Variants in KIF5A observed in about 807,000 individuals in gnomAD.
KIF5A encodes kinesin heavy chain isoform 5A.
In KIF5A, 35 loss-of-function variants were observed where a neutral mutation model predicts 141.3. The ratio of observed to expected loss-of-function variants is 0.25; its 90% CI spans 0.19 to 0.33. KIF5A has a LOEUF of 0.33. KIF5A is among the 10% of genes least tolerant of loss of function. The pLI is 1.00. For missense variants in KIF5A, 861 were observed against 1,314.3 expected (o/e 0.66, Z 5.33); for synonymous variants, 448 against 500.2 (o/e 0.90, Z 1.39).
Position 57,568,954 on chromosome 12 carries a change from C to T in KIF5A, c.715-9C>T. 1 of 1,600,660 alleles carries T rather than the reference C, an allele frequency of 6.2e-7. No homozygotes were observed. The highest frequency in any genetic ancestry group is 8.6e-7 in the Non-Finnish European group (1 of 1,168,312). On this transcript the variant is annotated splice_polypyrimidine_tract_variant and intron_variant, in intron 8 of 28. Transcript: ENST00000455537. ...GCTCATACACACTCATCTCTTACTG[C>T]CCTGGTAGGTCAGCAAGACTGGAGC...
intron 12 of KIF5A, 57 bp from the exon 13 acceptor site, chr12:57,571,264 G>A (rs942192779): frequency 5.6e-6 from 6 of 1,071,164 alleles, no homozygotes; most frequent in Middle Eastern, 2.0e-4. Context: ...AACTTCTTAC[G>A]TCTAAACTGG....
intron 12 of KIF5A, 106 bp from the exon 13 acceptor site, chr12:57,571,215 A>G (rs1882244439): frequency 3.9e-6 from 3 of 769,604 alleles, no homozygotes; most frequent in Non-Finnish European, 4.7e-6. Flanking sequence ...CAAAGCTTAT[A>G]CTATCTGGAT....
In KIF5A at chr12:57,572,955, C is replaced by T. The variant is rs1882303247; in HGVS notation, c.1716+229C>T. On this transcript the variant is annotated intron_variant, in intron 15 of 28. Coordinates refer to ENST00000455537, the MANE Select transcript of KIF5A (RefSeq NM_004984.4). The surrounding 1 kb of genome is among the most constrained non-coding windows in gnomAD (Gnocchi z 4.2). ...CTGTAATCCCAGCACTTTGGGAGGC[C>T]GAGGCAGGCGGATCACTTGAGGTCA... 1.3e-5 allele frequency among the ~76,000 whole-genome samples: 2 copies of T among 152,140 alleles called. No homozygotes were observed. Among genetic ancestry groups the T allele is most frequent in the Non-Finnish European group, 2.9e-5 (2 of 68,022 alleles).
intron 6 of KIF5A, among the ~76,000 whole-genome samples, chr12:57,565,274 A>G (rs147221631): frequency 1.1e-3 from 169 of 151,812 alleles, no homozygotes; most frequent in Non-Finnish European, 1.8e-3. Context: ...ACAAAAAATT[A>G]ACTGGGCGTG....
chr12:57,581,153 G>T lies in KIF5A; in HGVS notation c.2736G>T (p.Arg912=). The T allele has an allele frequency of 6.2e-7, 1 of 1,613,798 alleles. No individual in the cohort carries two copies. Among genetic ancestry groups the T allele is most frequent in the Non-Finnish European group, 8.5e-7 (1 of 1,179,936 alleles). The change falls in exon 24 of 29, where the codon CGG becomes CGT. Residue 912 remains arginine, a synonymous_variant. Transcript: ENST00000455537. Reference sequence around the variant, plus strand: ...TTCGCTACAAGAGCTCGGGCAAACGGGGCCATTCTGCCCAGATTGGTGAGT... The same window carrying T: ...TTCGCTACAAGAGCTCGGGCAAACGTGGCCATTCTGCCCAGATTGGTGAGT... ...EAVRYKSSGK[R]GHSAQIAKPV... is the part of the protein sequence containing the mutation.
chr12:57,562,731 T>C (rs1264713381), intron 1 of KIF5A, among the ~76,000 whole-genome samples: 3 of 152,224 alleles, frequency 2.0e-5, no homozygotes, highest in Non-Finnish European at 4.4e-5. Flanking sequence ...GATCTTTCCA[T>C]ATCAGGGTAC....
In KIF5A at chr12:57,572,808, A is replaced by G; in HGVS notation, c.1716+82A>G. The G allele has an allele frequency of 6.5e-7, 1 of 1,530,616 alleles. No homozygotes were observed. Among genetic ancestry groups the G allele is most frequent in the South Asian group, 1.1e-5 (1 of 89,246 alleles). The allele number at this position is 1,530,616 out of a possible 1,614,324, so 94.8% of individuals were successfully genotyped here. A position where few individuals can be genotyped will look rare whatever the true frequency, so the allele number is the denominator to read the frequency against. ...ATGAGCCATCCAGGCCTTCACAGAT[A>G]CTGAGAAAGGCAGCCAGAGAGCCAG... On this transcript the variant is annotated intron_variant, in intron 15 of 28. Transcript: ENST00000455537. This position sits in a 1 kb window ranked among gnomAD's most constrained non-coding sequence, Gnocchi z 4.2.
At chr12:57,567,723 C>T (rs571266530) in intron 8 of KIF5A, 105 bp downstream of exon 8, 49 of 1,226,692 alleles carry the variant, frequency 4.0e-5, no homozygotes, top group East Asian at 1.5e-4. Flanking sequence ...TGCAGTGGCA[C>T]GATCTCTGTT....
chr12:57,564,566 C>A, intron 5 of KIF5A, 58 bp downstream of exon 5: 2 of 1,333,120 alleles, frequency 1.5e-6, no homozygotes, highest in Non-Finnish European at 2.2e-6. Flanking sequence ...AAAGAAAGCT[C>A]ACATTGCATT....
chr12:57,574,905 G>A (rs1489762033), intron 15 of KIF5A, among the ~76,000 whole-genome samples, 179 bp from the exon 16 acceptor site: 1 of 152,122 alleles, frequency 6.6e-6, no homozygotes, highest in Non-Finnish European at 1.5e-5. Flanking sequence ...TTTAAATGCA[G>A]GCGGAGGAAT....
chr12:57,560,681 G>A (rs922034432), intron 1 of KIF5A, among the ~76,000 whole-genome samples: 9 of 152,010 alleles, frequency 5.9e-5, no homozygotes, highest in Non-Finnish European at 1.3e-4. Context: ...TTTCTGTTTA[G>A]TTTTTGTCTT....
intron 28 of KIF5A, among the ~76,000 whole-genome samples, chr12:57,583,858 G>A (rs1882680260): frequency 6.6e-6 from 1 of 152,170 alleles, no homozygotes; most frequent in African/African-American, 2.4e-5. Flanking sequence ...GTTCTTGTGT[G>A]TCACTGGGTT....
intron 15 of KIF5A, among the ~76,000 whole-genome samples, chr12:57,574,383 C>T: frequency 7.0e-6 from 1 of 141,894 alleles, no homozygotes; most frequent in East Asian, 2.3e-4. Flanking sequence ...AGCAATTCTT[C>T]TGCTTCAGCC....
intron 17 of KIF5A, 46 bp downstream of exon 17, chr12:57,575,803 T>G (rs1168159847): frequency 1.5e-6 from 2 of 1,318,212 alleles, no homozygotes; most frequent in African/African-American, 1.4e-5. Context: ...GGCAGAAAAG[T>G]CAGAAACATC....
intron 1 of KIF5A, among the ~76,000 whole-genome samples, chr12:57,555,927 A>G (rs530271325): frequency 6.0e-5 from 9 of 151,106 alleles, no homozygotes; most frequent in African/African-American, 2.2e-4. Context: ...AAAAAAAAGA[A>G]AAAGAAAGAA....
chr12:57,572,049 T>C lies in KIF5A; in HGVS notation c.1363-12T>C, dbSNP rs1334645450. The C allele has an allele frequency of 1.2e-6, 2 of 1,611,452 alleles. No homozygotes were observed. Among genetic ancestry groups the C allele is most frequent in the East Asian group, 4.5e-5 (2 of 44,850 alleles). On this transcript the variant is annotated splice_polypyrimidine_tract_variant and intron_variant, in intron 13 of 28. Coordinates refer to ENST00000455537, the MANE Select transcript of KIF5A (RefSeq NM_004984.4). This position sits in a 1 kb window ranked among gnomAD's most constrained non-coding sequence, Gnocchi z 4.2. Reference sequence around the variant, plus strand: ...AGTGATCTTTCCCACATGCCACTCCTCTCCCTTGAAGCTGCTGGTGTCCAC... The same window carrying C: ...AGTGATCTTTCCCACATGCCACTCCCCTCCCTTGAAGCTGCTGGTGTCCAC...
intron 24 of KIF5A, 43 bp from the exon 25 acceptor site, chr12:57,581,372 A>T (rs775246): frequency 2.5e-6 from 4 of 1,611,368 alleles, no homozygotes; most frequent in Non-Finnish European, 3.4e-6. Context: ...GGGCAAATGC[A>T]GGGTCATAGC....
chr12:57,562,668 C>A (rs953905870), intron 1 of KIF5A, among the ~76,000 whole-genome samples: 2 of 152,196 alleles, frequency 1.3e-5, no homozygotes, highest in Non-Finnish European at 2.9e-5. Context: ...TGGTAGGGAA[C>A]ATGCTATAAA....
At chr12:57,582,527 T>G in intron 26 of KIF5A, 75 bp from the exon 27 acceptor site, 1 of 1,150,198 alleles carries the variant, frequency 8.7e-7, no homozygotes, top group Non-Finnish European at 1.3e-6. Flanking sequence ...GGAGAGGGTT[T>G]GCGCAAACTG....
Sources: gnomAD v4.1 joint callset for allele counts (sites outside exome capture counted in the v4.1 genomes callset) on GRCh38, gnomAD v4.1.1 for gene constraint, Gnocchi (gnomAD v3.1) non-coding constraint, MANE v1.5 for transcripts, NCBI Gene and HGNC (gene_info 2026-07-23, HGNC 2026-07-21) for gene names.